Variants in CDH18 observed in about 807,000 individuals in gnomAD.
CDH18 encodes the protein cadherin-18.
A neutral mutation model predicts 67.9 loss-of-function variants in CDH18; 31 were observed. That is an observed-to-expected ratio of 0.46 (90% CI 0.34 to 0.62). The LOEUF is 0.62. Ranked by LOEUF, CDH18 falls within the 20% of genes least tolerant of loss-of-function variation. The probability of loss-of-function intolerance (pLI) is 0.01; values close to 1 mark genes in which losing one functional copy is unlikely to be tolerated. For missense variants in CDH18, 890 were observed against 975.5 expected, an observed-to-expected ratio of 0.91 and a Z score of 1.17; for synonymous variants, 362 against 347.2, an observed-to-expected ratio of 1.04 and a Z score of -0.48.
chr5:20,039,091 G>A (rs6859377), intron 2 of CDH18, among the ~76,000 whole-genome samples: 11,822 of 57,366 alleles, frequency 0.21, 912 homozygotes, highest in African/African-American at 0.25. Flanking sequence ...ACTCCCATTC[G>A]CAATTGCTAC....
At chr5:20,124,487 G>A (rs566844690) in intron 2 of CDH18, among the ~76,000 whole-genome samples, 2,650 of 152,078 alleles carry the variant, frequency 0.017, 74 homozygotes, top group African/African-American at 0.06. Flanking sequence ...ATTGCTGTGA[G>A]GATTAAAATA....
At chr5:19,789,904 C>T (rs1346483659) in intron 3 of CDH18, among the ~76,000 whole-genome samples, 1 of 151,574 alleles carries the variant, frequency 6.6e-6, no homozygotes, top group Admixed American at 6.6e-5. Context: ...ATATTGTATA[C>T]ATTTTATACA....
intron 1 of CDH18, among the ~76,000 whole-genome samples, chr5:20,514,073 G>GA (rs1483859059): frequency 6.6e-6 from 1 of 152,076 alleles, no homozygotes; most frequent in African/African-American, 2.4e-5. Context: ...AAGGTAGGTA[G>GA]AAAAAACAGT....
At chr5:20,384,173 A>G (rs1178832342) in intron 1 of CDH18, among the ~76,000 whole-genome samples, 1 of 152,204 alleles carries the variant, frequency 6.6e-6, no homozygotes, top group African/African-American at 2.4e-5. Flanking sequence ...AACCATAGGC[A>G]AAATGTTGCA....
intron 2 of CDH18, among the ~76,000 whole-genome samples, chr5:20,056,591 C>T (rs1464975157): frequency 7.8e-6 from 1 of 128,552 alleles, no homozygotes; most frequent in South Asian, 2.6e-4. Flanking sequence ...TCTTTGTCCT[C>T]ATTTGATGGA....
At chr5:19,987,597 G>A (rs1014315788) in intron 1 of CDH18, among the ~76,000 whole-genome samples, 1 of 151,326 alleles carries the variant, frequency 6.6e-6, no homozygotes, top group African/African-American at 2.4e-5. Flanking sequence ...TCAGTGCTCA[G>A]AAATCACGTA....
chr5:20,546,122 C>T (rs1338370529), intron 1 of CDH18, among the ~76,000 whole-genome samples: 2 of 152,162 alleles, frequency 1.3e-5, no homozygotes, highest in East Asian at 1.9e-4. Context: ...ATGACCTTTA[C>T]TCTGGTTCCC....
chr5:20,493,135 G>T (rs1393086169), intron 1 of CDH18, among the ~76,000 whole-genome samples: 1 of 151,834 alleles, frequency 6.6e-6, no homozygotes, highest in Non-Finnish European at 1.5e-5. Flanking sequence ...GATCACCTGA[G>T]GTTAGGAGTT....
chr5:20,202,146 T>A (rs11956558), intron 2 of CDH18, among the ~76,000 whole-genome samples: 17,126 of 152,096 alleles, frequency 0.11, 1,369 homozygotes, highest in African/African-American at 0.22. Context: ...TGACAAACAG[T>A]TTGCTGTACT....
At chr5:19,638,350 G>C (rs893385918) in intron 5 of CDH18, among the ~76,000 whole-genome samples, 2 of 152,094 alleles carry the variant, frequency 1.3e-5, no homozygotes, top group Non-Finnish European at 2.9e-5. Context: ...CTTTCCTGCC[G>C]TAAGTGCATA....
intron 5 of CDH18, among the ~76,000 whole-genome samples, chr5:19,638,402 A>G (rs1023226814): frequency 6.6e-6 from 1 of 152,198 alleles, no homozygotes; most frequent in African/African-American, 2.4e-5. Context: ...TGCAGTAAAT[A>G]TGGATTATTC....
chr5:20,262,201 A>G (rs889076492), intron 1 of CDH18, among the ~76,000 whole-genome samples: 1 of 152,234 alleles, frequency 6.6e-6, no homozygotes, highest in Non-Finnish European at 1.5e-5. Flanking sequence ...ATTGTGATAA[A>G]TGGGAAACCA....
intron 10 of CDH18, among the ~76,000 whole-genome samples, chr5:19,516,315 T>C (rs1447336869): frequency 6.6e-6 from 1 of 152,176 alleles, no homozygotes; most frequent in Non-Finnish European, 1.5e-5. Flanking sequence ...ATTCTCTATT[T>C]TTGTTGTGTC....
intron 5 of CDH18, among the ~76,000 whole-genome samples, chr5:19,720,511 C>A (rs773983536): frequency 2.0e-5 from 3 of 152,056 alleles, no homozygotes; most frequent in Non-Finnish European, 4.4e-5. Context: ...TTTTACTTAA[C>A]CAAATTTTTA....
intron 5 of CDH18, among the ~76,000 whole-genome samples, chr5:19,628,093 C>T (rs1305567446): frequency 2.6e-5 from 4 of 152,122 alleles, no homozygotes; most frequent in Admixed American, 6.6e-5. Flanking sequence ...GTGGGAGATA[C>T]TTGAATCATG....
chr5:19,821,815 C>T lies in CDH18; in HGVS notation c.228+16944G>A, dbSNP rs187785883. On this transcript the variant is annotated intron_variant, in intron 3 of 12. Coordinates refer to ENST00000382275, the MANE Select transcript of CDH18 (RefSeq NM_004934.5). ...GAGATCAGGGCCCTATTTTCAGCAT[C>T]CTTAAAGAAAATTAATTCCAAACAA... Among the ~76,000 whole-genome samples the T allele has an allele frequency of 8.5e-5, 13 of 152,122 alleles. 1 individual carries two copies. The East Asian group carries it at 2.1e-3, about 25-fold the overall frequency.
At chr5:20,057,614 AT>A (rs1742108399) in intron 2 of CDH18, among the ~76,000 whole-genome samples, 1 of 152,196 alleles carries the variant, frequency 6.6e-6, no homozygotes, top group South Asian at 2.1e-4. Context: ...AATTGCATTT[AT>A]CACACTGAAC....
At chr5:19,787,438 C>T (rs1381499456) in intron 3 of CDH18, among the ~76,000 whole-genome samples, 2 of 150,040 alleles carry the variant, frequency 1.3e-5, no homozygotes, top group South Asian at 2.1e-4. Flanking sequence ...GGCAACAGAG[C>T]GAGACTGTTT....
At chr5:19,857,791 C>T (rs1784466583) in intron 2 of CDH18, among the ~76,000 whole-genome samples, 1 of 152,220 alleles carries the variant, frequency 6.6e-6, no homozygotes, top group African/African-American at 2.4e-5. Flanking sequence ...CTCAGTGCTA[C>T]ATTTTATACC....
Sources: allele counts gnomAD v4.1 joint callset (sites outside exome capture counted in the v4.1 genomes callset), GRCh38; gene constraint gnomAD v4.1.1; transcripts MANE v1.5; gene names NCBI Gene and HGNC (gene_info 2026-07-23, HGNC 2026-07-21).